ITPR1: variants seen among roughly 807,000 people sequenced by gnomAD.
The protein encoded by ITPR1 is inositol 1,4,5-trisphosphate-gated calcium channel ITPR1.
ITPR1 carries 96 observed loss-of-function variants against 318.4 expected under a neutral mutation model. That is an observed-to-expected ratio of 0.30 (90% CI 0.26 to 0.36). The LOEUF (loss-of-function observed/expected upper bound fraction) is 0.36, where lower values mean the gene tolerates loss of function less well. ITPR1 is among the 10% of genes least tolerant of loss of function. The pLI, the probability that ITPR1 is intolerant of heterozygous loss-of-function variation, is 1.00. For synonymous variants in ITPR1, 1,312 were observed against 1,289.9 expected, an observed-to-expected ratio of 1.02 and a Z score of -0.37; for missense variants, 2,440 against 3,460.2, an observed-to-expected ratio of 0.71 and a Z score of 7.40.
At chr3:4,535,041 T>C (rs1292326380) in intron 4 of ITPR1, among the ~76,000 whole-genome samples, 1 of 152,068 alleles carries the variant, frequency 6.6e-6, no homozygotes, top group East Asian at 1.9e-4. Context: ...TTTCTAAAAT[T>C]AGTGTTCTCT....
intron 12 of ITPR1, 64 bp downstream of exon 12, chr3:4,653,950 C>T (rs1331411171): frequency 8.5e-7 from 1 of 1,180,056 alleles, no homozygotes; most frequent in South Asian, 1.3e-5. Flanking sequence ...ATCTGGAGCT[C>T]CATTTAAGAA....
chr3:4,827,031 C>T (rs2050123174), intron 60 of ITPR1, among the ~76,000 whole-genome samples: 1 of 152,206 alleles, frequency 6.6e-6, no homozygotes, highest in Non-Finnish European at 1.5e-5. Flanking sequence ...CCACTTCTCC[C>T]CATTGGCTAC....
chr3:4,525,276 G>A (rs1407868727), intron 4 of ITPR1, among the ~76,000 whole-genome samples: 4 of 152,132 alleles, frequency 2.6e-5, no homozygotes, highest in Non-Finnish European at 4.4e-5. Flanking sequence ...TGCATAAAAA[G>A]CCTAATAGAG....
chr3:4,674,815 T>A (rs1315101538), intron 22 of ITPR1, among the ~76,000 whole-genome samples: 1 of 151,346 alleles, frequency 6.6e-6, no homozygotes, highest in African/African-American at 2.4e-5. Context: ...CTTGGGAAGC[T>A]GTGTAGAGCA....
chr3:4,738,215 T>A (rs1029815511), intron 44 of ITPR1, among the ~76,000 whole-genome samples: 1 of 151,984 alleles, frequency 6.6e-6, no homozygotes, highest in African/African-American at 2.4e-5. Context: ...AAATAAAAGT[T>A]TAAAAAAGAA....
chr3:4,670,152 A>G (rs750804416), intron 19 of ITPR1, among the ~76,000 whole-genome samples: 3 of 152,204 alleles, frequency 2.0e-5, no homozygotes, highest in African/African-American at 4.8e-5. Context: ...TTAAATTATT[A>G]CTGTTCAGAA....
At chr3:4,762,168 T>A (rs543306536) in intron 44 of ITPR1, among the ~76,000 whole-genome samples, 1 of 152,340 alleles carries the variant, frequency 6.6e-6, no homozygotes, top group African/African-American at 2.4e-5. Context: ...GGTACCTTTT[T>A]AATTTTTTTT....
At chr3:4,816,024 A>G (rs2049278855) in intron 59 of ITPR1, 1 of 151,542 alleles carries the variant, frequency 6.6e-6, no homozygotes, top group Non-Finnish European at 1.5e-5. Flanking sequence ...ACATTTTCTA[A>G]TGTGAGTGGC....
chr3:4,668,212 CTA>C (rs947383393), intron 18 of ITPR1, among the ~76,000 whole-genome samples: 2 of 141,674 alleles, frequency 1.4e-5, no homozygotes, highest in African/African-American at 5.6e-5. Flanking sequence ...TTCGTTCTTT[CTA>C]TTTTTTTTTT....
chr3:4,656,464 C>T (rs1007724279), intron 12 of ITPR1, among the ~76,000 whole-genome samples: 1 of 152,154 alleles, frequency 6.6e-6, no homozygotes, highest in African/African-American at 2.4e-5. Context: ...GGTAATTCTT[C>T]CTTTAGCGTA....
chr3:4,756,154 T>G (rs1195151222), intron 44 of ITPR1, among the ~76,000 whole-genome samples: 2 of 152,160 alleles, frequency 1.3e-5, no homozygotes, highest in African/African-American at 4.8e-5. Context: ...GTTTAAAATG[T>G]TGGGAAATGC....
Position 4,538,194 on chromosome 3 carries a change from T to G in ITPR1, c.163+17100T>G, listed in dbSNP as rs565180132. 1.1e-4 allele frequency among the ~76,000 whole-genome samples: 16 copies of G among 152,174 alleles called. No homozygotes were observed. In the South Asian group the frequency reaches 3.3e-3, roughly 32 times the overall value. ...AATATTGCCTTAAACTTAAACAAAT[T>G]TACAAGAAAAAAACCAAACAACCCT... On this transcript the variant is annotated intron_variant, in intron 4 of 61. Coordinates refer to ENST00000649015, the MANE Select transcript of ITPR1 (RefSeq NM_001378452.1).
At chr3:4,623,008 A>G (rs2092697872) in intron 4 of ITPR1, among the ~76,000 whole-genome samples, 1 of 152,164 alleles carries the variant, frequency 6.6e-6, no homozygotes, top group South Asian at 2.1e-4. Context: ...TGGTCTGGCA[A>G]CCTTTATTCT....
intron 44 of ITPR1, among the ~76,000 whole-genome samples, chr3:4,738,617 A>G (rs904054900): frequency 6.6e-6 from 1 of 151,846 alleles, no homozygotes; most frequent in African/African-American, 2.4e-5. Context: ...TCCTGGGGAG[A>G]CGATGTCTGT....
intron 44 of ITPR1, among the ~76,000 whole-genome samples, chr3:4,758,386 C>G (rs1341989477): frequency 6.6e-6 from 1 of 152,208 alleles, no homozygotes; most frequent in Non-Finnish European, 1.5e-5. Context: ...GGGACACATA[C>G]ATCTATGCTC....
chr3:4,564,543 A>G (rs1024111263), intron 4 of ITPR1, among the ~76,000 whole-genome samples: 5 of 152,238 alleles, frequency 3.3e-5, no homozygotes, highest in South Asian at 4.2e-4. Flanking sequence ...TGAAATTCCT[A>G]TGTTGAAACC....
chr3:4,603,672 C>T (rs1039742145), intron 4 of ITPR1, among the ~76,000 whole-genome samples: 13 of 152,156 alleles, frequency 8.5e-5, no homozygotes, highest in African/African-American at 2.7e-4. Flanking sequence ...TCGTGTTCCA[C>T]CCGCCTTGGC....
At chr3:4,822,938 C>T (rs2049825216) in intron 60 of ITPR1, among the ~76,000 whole-genome samples, 1 of 152,158 alleles carries the variant, frequency 6.6e-6, no homozygotes, top group Non-Finnish European at 1.5e-5. Context: ...AATTTTGGTG[C>T]CATCCTAGTT....
At chr3:4,588,588 C>T (rs2090122277) in intron 4 of ITPR1, among the ~76,000 whole-genome samples, 1 of 152,128 alleles carries the variant, frequency 6.6e-6, no homozygotes, top group Non-Finnish European at 1.5e-5. Flanking sequence ...TCTGTGTTCA[C>T]TCTCTAGATG....
Sources: allele counts gnomAD v4.1 joint callset (sites outside exome capture counted in the v4.1 genomes callset), GRCh38; gene constraint gnomAD v4.1.1; transcripts MANE v1.5; gene names NCBI Gene and HGNC (gene_info 2026-07-23, HGNC 2026-07-21).